SEMA6A: variants seen among roughly 807,000 people sequenced by gnomAD.
SEMA6A encodes semaphorin 6A, also known as semaphorin-6A.
In SEMA6A, 25 loss-of-function variants were observed where a neutral mutation model predicts 96.8. The observed-to-expected ratio is 0.26, with a 90% CI of 0.19 to 0.36. The LOEUF (loss-of-function observed/expected upper bound fraction) is 0.36, where lower values mean the gene tolerates loss of function less well. SEMA6A is among the 10% of genes least tolerant of loss of function. The pLI is 1.00. For missense variants in SEMA6A, 1,363 were observed against 1,323.1 expected, an observed-to-expected ratio of 1.03 and a Z score of -0.47; for synonymous variants, 612 against 518.0, an observed-to-expected ratio of 1.18 and a Z score of -2.46.
chr5:116,562,862 G>A, intron 1 of SEMA6A: 2 of 647,822 alleles, frequency 3.1e-6, no homozygotes, highest in South Asian at 1.5e-5. Flanking sequence ...GGCCACAGGA[G>A]GAAATAGGAC....
chr5:116,506,242 CTTATAATTT>C (rs1758140118), intron 1 of SEMA6A, among the ~76,000 whole-genome samples: 2 of 152,176 alleles, frequency 1.3e-5, no homozygotes, highest in African/African-American at 4.8e-5. Flanking sequence ...TGCACTGTAA[CTTATAATTT>C]CACACACACA....
intron 5 of SEMA6A, 113 bp from the exon 6 acceptor site, chr5:116,495,627 T>C: frequency 1.4e-6 from 1 of 695,682 alleles, no homozygotes; most frequent in Non-Finnish European, 2.4e-6. Flanking sequence ...GGCTGAGGAC[T>C]TCTCCCATTA....
At chr5:116,571,639 G>C (rs1393468655) in intron 1 of SEMA6A, among the ~76,000 whole-genome samples, 1 of 152,196 alleles carries the variant, frequency 6.6e-6, no homozygotes, top group Non-Finnish European at 1.5e-5. Context: ...ACAAGCATGG[G>C]TAAACCAAAT....
chr5:116,469,849 T>G (rs1346113885), intron 17 of SEMA6A, among the ~76,000 whole-genome samples: 1 of 152,220 alleles, frequency 6.6e-6, no homozygotes, highest in Non-Finnish European at 1.5e-5. Context: ...AGGAAATTAA[T>G]GTGGACCAGA....
intron 9 of SEMA6A, 73 bp downstream of exon 9, chr5:116,488,035 T>C (rs1194194898): frequency 2.0e-6 from 2 of 978,402 alleles, no homozygotes. Flanking sequence ...AGATCATTTA[T>C]AACAACATTT....
rs72214884 is a variant in SEMA6A, at chr5:116,536,866, T to TAAAAAAA, written c.-38-31891_-38-31885dup. Among the ~76,000 whole-genome samples the TAAAAAAA allele has an allele frequency of 9.6e-4, 67 of 69,504 alleles. 1 individual carries two copies. Among genetic ancestry groups the TAAAAAAA allele is most frequent in the African/African-American group, 2.5e-3 (53 of 21,008 alleles). The allele number at this position is 69,504 out of a possible 152,430, so 45.6% of individuals were successfully genotyped here. A position where few individuals can be genotyped will look rare whatever the true frequency, so the allele number is the denominator to read the frequency against. ...TTTATTCAGTCCCCGTGTGATTTCT[T>TAAAAAAA]AAAAAAAAAAAAAAAAAAAAAAAAA... On this transcript the variant is annotated intron_variant, in intron 1 of 18. Coordinates refer to ENST00000343348, the MANE Select transcript of SEMA6A (RefSeq NM_020796.5).
chr5:116,467,499 A>C lies in SEMA6A; in HGVS notation c.1894+84T>G, dbSNP rs1385084607. ...ATTGGAGGTTCCTTAAATGCTGCCA[A>C]AATTCAGCTGGAAGCAGTTACACAG... On this transcript the variant is annotated intron_variant, in intron 18 of 18. Transcript: ENST00000343348. 6.4e-6 allele frequency: 9 copies of C among 1,399,596 alleles called. No individual in the cohort carries two copies. In the South Asian group the frequency reaches 1.3e-4, roughly 21 times the overall value. 86.7% of individuals were successfully genotyped at this position (1,399,596 alleles called of 1,614,324 possible).
At chr5:116,466,590 C>A (rs1755772921) in intron 18 of SEMA6A, among the ~76,000 whole-genome samples, 1 of 151,992 alleles carries the variant, frequency 6.6e-6, no homozygotes. Context: ...GAGAGTCTGA[C>A]CGGAAAGCAT....
intron 16 of SEMA6A, 101 bp downstream of exon 16, chr5:116,475,444 G>T (rs1580405958): frequency 1.4e-6 from 1 of 709,938 alleles, no homozygotes; most frequent in Non-Finnish European, 2.4e-6. Flanking sequence ...GCATGCTTTA[G>T]TGTCAGCTGC....
At chr5:116,484,934 G>T (rs80133725) in intron 10 of SEMA6A, among the ~76,000 whole-genome samples, 2 of 152,132 alleles carry the variant, frequency 1.3e-5, no homozygotes, top group Admixed American at 6.5e-5. Flanking sequence ...CAGACCCTGT[G>T]GGGGCTTGTG....
At chr5:116,489,490 A>T (rs759049799) in intron 7 of SEMA6A, among the ~76,000 whole-genome samples, 26 of 152,154 alleles carry the variant, frequency 1.7e-4, no homozygotes, top group Non-Finnish European at 3.1e-4. Context: ...TTGAAGAGAG[A>T]GGGTTCATAA....
intron 1 of SEMA6A, among the ~76,000 whole-genome samples, chr5:116,568,583 C>T (rs565560343): frequency 8.5e-5 from 13 of 152,158 alleles, no homozygotes; most frequent in Admixed American, 3.3e-4. Flanking sequence ...AAGCTCAATC[C>T]CCACAAATGC....
At chr5:116,484,883 G>T (rs944247201) in intron 10 of SEMA6A, among the ~76,000 whole-genome samples, 1 of 152,212 alleles carries the variant, frequency 6.6e-6, no homozygotes, top group Non-Finnish European at 1.5e-5. Context: ...AGGCTGCATG[G>T]CAGAGGATGG....
chr5:116,489,071 A>G, intron 7 of SEMA6A, 64 bp from the exon 8 acceptor site: 1 of 1,481,656 alleles, frequency 6.7e-7, no homozygotes, highest in Non-Finnish European at 9.0e-7. Flanking sequence ...GAGGAATAAT[A>G]AAGACATCCC....
chr5:116,565,922 G>A (rs533337098), intron 1 of SEMA6A, among the ~76,000 whole-genome samples: 44 of 152,226 alleles, frequency 2.9e-4, no homozygotes, highest in African/African-American at 9.9e-4. Flanking sequence ...GAGTCTGGGG[G>A]AGGGGCGGGG....
intron 1 of SEMA6A, among the ~76,000 whole-genome samples, chr5:116,513,630 T>A (rs1234704056): frequency 6.6e-6 from 1 of 151,862 alleles, no homozygotes; most frequent in African/African-American, 2.4e-5. Flanking sequence ...TTCCAACTTT[T>A]ATTTTAAGTT....
chr5:116,507,576 T>A (rs1758205694), intron 1 of SEMA6A, among the ~76,000 whole-genome samples: 1 of 152,204 alleles, frequency 6.6e-6, no homozygotes, highest in African/African-American at 2.4e-5. Context: ...GCTGTTTAAG[T>A]CACTTTCAAA....
intron 1 of SEMA6A, among the ~76,000 whole-genome samples, chr5:116,539,596 T>C (rs1038726395): frequency 6.6e-6 from 1 of 150,986 alleles, no homozygotes; most frequent in African/African-American, 2.4e-5. Context: ...TGTGCGTGTG[T>C]GTGTGTGTGT....
intron 1 of SEMA6A, among the ~76,000 whole-genome samples, chr5:116,544,847 GAATC>G (rs1760117906): frequency 6.6e-6 from 1 of 152,176 alleles, no homozygotes; most frequent in African/African-American, 2.4e-5. Context: ...TCTCTTCAAA[GAATC>G]AATATGTCAG....
Sources: allele counts gnomAD v4.1 joint callset (sites outside exome capture counted in the v4.1 genomes callset), GRCh38; gene constraint gnomAD v4.1.1; transcripts MANE v1.5; gene names NCBI Gene and HGNC (gene_info 2026-07-23, HGNC 2026-07-21).